The following UNC13C variants were observed in gnomAD, a reference collection of about 807,000 sequenced individuals.
UNC13C encodes the protein unc-13 homolog C.
A neutral mutation model predicts 245.4 loss-of-function variants in UNC13C; 174 were observed. The ratio of observed to expected loss-of-function variants is 0.71; its 90% CI spans 0.63 to 0.80. The LOEUF (loss-of-function observed/expected upper bound fraction) is 0.80. Among genes scored for constraint, UNC13C ranks in the 30% least tolerant of loss-of-function variants. The pLI is 0.00. For missense variants in UNC13C, 2,829 were observed against 2,602.9 expected (o/e 1.09, Z -1.89); for synonymous variants, 992 against 895.1 (o/e 1.11, Z -1.93).
chr15:54,070,035 G>A (rs183679507), intron 2 of UNC13C, among the ~76,000 whole-genome samples: 2 of 152,292 alleles, frequency 1.3e-5, no homozygotes, highest in East Asian at 3.9e-4. Flanking sequence ...TAAGCTCAAG[G>A]TCATAGAGCT....
the UNC13C span, among the ~76,000 whole-genome samples, chr15:53,897,488 T>C: frequency 1.3e-5 from 2 of 152,304 alleles, no homozygotes; most frequent in Admixed American, 6.5e-5. Flanking sequence ...CTATGTTGTC[T>C]AGGCTAGTCT....
chr15:54,299,781 A>G (rs1441806345), intron 12 of UNC13C, among the ~76,000 whole-genome samples: 1 of 152,120 alleles, frequency 6.6e-6, no homozygotes, highest in African/African-American at 2.4e-5. Flanking sequence ...AATAGAATCT[A>G]ATTCTGAGAA....
intron 23 of UNC13C, among the ~76,000 whole-genome samples, chr15:54,509,958 A>G (rs771214706): frequency 2.0e-5 from 3 of 152,152 alleles, no homozygotes; most frequent in Admixed American, 6.5e-5. Flanking sequence ...ATAGCAATCC[A>G]TGTCAAGTGA....
At chr15:54,575,175 A>G (rs761486483) in intron 30 of UNC13C, among the ~76,000 whole-genome samples, 3 of 152,140 alleles carry the variant, frequency 2.0e-5, no homozygotes, top group Non-Finnish European at 4.4e-5. Flanking sequence ...AGCTGGGATT[A>G]CAGGTGCCCG....
At chr15:54,019,574 C>T (rs143507337) in intron 2 of UNC13C, among the ~76,000 whole-genome samples, 17 of 152,094 alleles carry the variant, frequency 1.1e-4, no homozygotes, top group Admixed American at 3.9e-4. Flanking sequence ...CAGAACCTGA[C>T]GTCAGTTTGA....
chr15:54,316,315 A>G (rs577229845), intron 13 of UNC13C, among the ~76,000 whole-genome samples: 3 of 151,976 alleles, frequency 2.0e-5, no homozygotes, highest in South Asian at 2.1e-4. Flanking sequence ...ACTTTACACA[A>G]TATTTTCTTT....
upstream of UNC13C, among the ~76,000 whole-genome samples, chr15:53,976,161 A>G (rs1005498604): frequency 8.5e-5 from 13 of 152,178 alleles, no homozygotes; most frequent in African/African-American, 3.1e-4. Flanking sequence ...TAACGGCAAC[A>G]TATTTTATTA....
At chr15:54,162,465 A>G (rs2033014741) in intron 4 of UNC13C, among the ~76,000 whole-genome samples, 1 of 152,156 alleles carries the variant, frequency 6.6e-6, no homozygotes, top group African/African-American at 2.4e-5. Flanking sequence ...ATACTAAAAG[A>G]TTTCCTGGTA....
the UNC13C span, among the ~76,000 whole-genome samples, chr15:53,906,558 C>G: frequency 6.6e-6 from 1 of 152,180 alleles, no homozygotes; most frequent in African/African-American, 2.4e-5. Flanking sequence ...ATGGAACTGT[C>G]AGTCAGGATG....
intron 20 of UNC13C, among the ~76,000 whole-genome samples, chr15:54,496,440 C>A (rs1199349240): frequency 6.6e-6 from 1 of 152,184 alleles, no homozygotes; most frequent in East Asian, 1.9e-4. Flanking sequence ...AGCAATCCCA[C>A]TTCTGGGTAT....
At chr15:54,515,347 T>G (rs1251132609) in intron 24 of UNC13C, among the ~76,000 whole-genome samples, 1 of 152,184 alleles carries the variant, frequency 6.6e-6, no homozygotes, top group Non-Finnish European at 1.5e-5. Context: ...ATGTAATAAT[T>G]TTCATTCATT....
chr15:54,111,062 G>A (rs1900744538), intron 2 of UNC13C, among the ~76,000 whole-genome samples: 1 of 152,176 alleles, frequency 6.6e-6, no homozygotes, highest in Non-Finnish European at 1.5e-5. Flanking sequence ...ATTTGAGAGA[G>A]AAAATACTTT....
intron 19 of UNC13C, among the ~76,000 whole-genome samples, chr15:54,430,755 A>G (rs1392989306): frequency 6.6e-6 from 1 of 151,776 alleles, no homozygotes; most frequent in Admixed American, 6.6e-5. Flanking sequence ...ATACTATCTC[A>G]GGAATTTCAA....
intron 28 of UNC13C, among the ~76,000 whole-genome samples, chr15:54,551,831 A>C (rs1034404975): frequency 6.6e-6 from 1 of 151,990 alleles, no homozygotes; most frequent in Non-Finnish European, 1.5e-5. Context: ...TAAATCTCCT[A>C]CAGTATTATG....
chr15:54,167,532 AAG>A (rs1175877200), intron 4 of UNC13C, among the ~76,000 whole-genome samples: 1 of 145,590 alleles, frequency 6.9e-6, no homozygotes, highest in African/African-American at 2.5e-5. Flanking sequence ...AAAGAAAAAT[AAG>A]AGAAGATACT....
chr15:54,328,268 T>C (rs952801300), intron 14 of UNC13C, among the ~76,000 whole-genome samples: 1 of 152,016 alleles, frequency 6.6e-6, no homozygotes, highest in Non-Finnish European at 1.5e-5. Flanking sequence ...TATAAATATA[T>C]GTCCAATATG....
intron 10 of UNC13C, among the ~76,000 whole-genome samples, chr15:54,284,255 T>C (rs186114512): frequency 3.5e-4 from 54 of 152,316 alleles, no homozygotes; most frequent in African/African-American, 1.2e-3. Flanking sequence ...TTCAAACAAA[T>C]AGTTTAATTT....
At chr15:54,207,698 T>C (rs2034759014) in intron 4 of UNC13C, among the ~76,000 whole-genome samples, 1 of 152,126 alleles carries the variant, frequency 6.6e-6, no homozygotes, top group Admixed American at 6.6e-5. Flanking sequence ...TCTTAAACAA[T>C]ATTCAGAACA....
chr15:54,150,327 A>G (rs760992593), intron 4 of UNC13C, among the ~76,000 whole-genome samples: 5 of 152,234 alleles, frequency 3.3e-5, no homozygotes, highest in Admixed American at 6.5e-5. Flanking sequence ...TCATGCCACA[A>G]GGCAGTTACA....
Sources: allele counts gnomAD v4.1 joint callset (sites outside exome capture counted in the v4.1 genomes callset), GRCh38; gene constraint gnomAD v4.1.1; transcripts MANE v1.5; gene names NCBI Gene and HGNC (gene_info 2026-07-23, HGNC 2026-07-21).